OTUD7A: variants seen among roughly 807,000 people sequenced by gnomAD.
OTUD7A encodes the protein OTU domain-containing protein 7A.
A neutral mutation model predicts 65.7 loss-of-function variants in OTUD7A; 12 were observed. The observed-to-expected ratio is 0.18, with a 90% CI of 0.12 to 0.30. OTUD7A has a LOEUF of 0.30. OTUD7A is among the 10% of genes least tolerant of loss of function. The probability of loss-of-function intolerance (pLI) is 1.00; values close to 1 mark genes in which losing one functional copy is unlikely to be tolerated. For synonymous variants in OTUD7A, 641 were observed against 586.3 expected (o/e 1.09, Z -1.35); for missense variants, 1,148 against 1,304.8 (o/e 0.88, Z 1.85).
At chr15:31,800,362 A>T (rs1896087447) in intron 1 of OTUD7A, among the ~76,000 whole-genome samples, 1 of 152,106 alleles carries the variant, frequency 6.6e-6, no homozygotes. Context: ...AGCCAAGGAG[A>T]GGCCAGGCAC....
Position 31,483,441 on chromosome 15 carries a change from G to C in OTUD7A, c.2655C>G (p.Cys885Trp), listed in dbSNP as rs1402024732. The C allele has an allele frequency of 1.6e-5, 22 of 1,382,346 alleles. No homozygotes were observed. In the East Asian group the frequency reaches 7.4e-4, roughly 47 times the overall value. The allele number at this position is 1,382,346 out of a possible 1,614,324, so 85.6% of individuals were successfully genotyped here. Residue 885 changes from cysteine (C) to tryptophan (W), a missense_variant, in exon 13 of 13, where the codon TGC (cysteine) becomes TGG (tryptophan). By Grantham distance (215) the Cys-to-Trp change is radical (BLOSUM62 -2). Transcript: ENST00000307050. ...DAPTARSNGE[C>W]GRGGPGPVQR... ...GCACCGGCCCCGGGCCGCCACGGCC[G>C]CACTCACCGTTCGAGCGCGCGGTCG...
intron 1 of OTUD7A, among the ~76,000 whole-genome samples, chr15:31,657,450 G>A (rs925022693): frequency 1.3e-4 from 20 of 151,562 alleles, no homozygotes; most frequent in African/African-American, 3.9e-4. Context: ...TCCGCCTCCC[G>A]GGTTCATGCC....
intron 5 of OTUD7A, among the ~76,000 whole-genome samples, chr15:31,552,039 A>G (rs2141148002): frequency 6.6e-6 from 1 of 152,322 alleles, no homozygotes; most frequent in East Asian, 1.9e-4. Flanking sequence ...CATGAATGGC[A>G]GGGTGCCATC....
At chr15:31,774,293 G>C (rs917265432) in intron 1 of OTUD7A, among the ~76,000 whole-genome samples, 1 of 152,250 alleles carries the variant, frequency 6.6e-6, no homozygotes, top group African/African-American at 2.4e-5. Flanking sequence ...AGTCAGCCCA[G>C]GGACAGCTCC....
intron 3 of OTUD7A, among the ~76,000 whole-genome samples, chr15:31,602,585 T>C (rs1890111693): frequency 6.6e-6 from 1 of 152,094 alleles, no homozygotes; most frequent in South Asian, 2.1e-4. Context: ...TTCAACATAG[T>C]ATTGGAAGTT....
At chr15:31,496,096 A>C (rs908635744) in intron 10 of OTUD7A, among the ~76,000 whole-genome samples, 7 of 152,088 alleles carry the variant, frequency 4.6e-5, no homozygotes, top group Non-Finnish European at 8.8e-5. Flanking sequence ...CAAAAAAAAA[A>C]ACTTTCTTGC....
intron 3 of OTUD7A, among the ~76,000 whole-genome samples, chr15:31,588,295 A>C (rs1209730484): frequency 6.6e-6 from 1 of 152,212 alleles, no homozygotes; most frequent in Non-Finnish European, 1.5e-5. Flanking sequence ...GTCTGGCTCC[A>C]TTTATTTGAA....
At chr15:31,715,391 C>A (rs1416167776) in intron 1 of OTUD7A, among the ~76,000 whole-genome samples, 6 of 150,548 alleles carry the variant, frequency 4.0e-5, no homozygotes, top group Admixed American at 6.6e-5. Flanking sequence ...ACTGACTTCA[C>A]CTGGAAGAGC....
intron 1 of OTUD7A, among the ~76,000 whole-genome samples, chr15:31,798,267 G>C (rs1368377989): frequency 1.3e-5 from 2 of 152,190 alleles, no homozygotes; most frequent in African/African-American, 4.8e-5. Context: ...AATTCTGAGA[G>C]AGGGTGGCCC....
At chr15:31,812,844 C>T (rs7171718) in intron 1 of OTUD7A, among the ~76,000 whole-genome samples, 3,439 of 152,222 alleles carry the variant, frequency 0.023, 132 homozygotes, top group African/African-American at 0.079. Flanking sequence ...CTGAGTCTCC[C>T]CTTGGTCCTC....
At chr15:31,851,351 G>A (rs1171682138) in intron 1 of OTUD7A, among the ~76,000 whole-genome samples, 2 of 152,180 alleles carry the variant, frequency 1.3e-5, no homozygotes, top group African/African-American at 4.8e-5. Flanking sequence ...TGACTAATTG[G>A]AGATGGAAAG....
intron 3 of OTUD7A, among the ~76,000 whole-genome samples, chr15:31,641,847 G>A (rs1891526285): frequency 6.6e-6 from 1 of 152,086 alleles, no homozygotes; most frequent in African/African-American, 2.4e-5. Flanking sequence ...ATGTCATCAT[G>A]TCACCTGTGA....
chr15:31,567,821 T>C (rs1288889342), intron 4 of OTUD7A, among the ~76,000 whole-genome samples: 1 of 152,232 alleles, frequency 6.6e-6, no homozygotes, highest in African/African-American at 2.4e-5. Flanking sequence ...AGGTCCCAGA[T>C]ACAGTTCAGG....
At chr15:31,577,315 A>G (rs1889231314) in intron 3 of OTUD7A, among the ~76,000 whole-genome samples, 1 of 152,146 alleles carries the variant, frequency 6.6e-6, no homozygotes, top group African/African-American at 2.4e-5. Flanking sequence ...CTTCCTCTAC[A>G]AAACAAGAGC....
chr15:31,560,134 T>G (rs1321048047), intron 4 of OTUD7A, among the ~76,000 whole-genome samples: 1 of 152,248 alleles, frequency 6.6e-6, no homozygotes, highest in Non-Finnish European at 1.5e-5. Context: ...GAGACCGCTC[T>G]TTGTCTCGAT....
intron 1 of OTUD7A, among the ~76,000 whole-genome samples, chr15:31,866,566 G>A (rs1447735714): frequency 6.6e-6 from 1 of 152,094 alleles, no homozygotes; most frequent in Non-Finnish European, 1.5e-5. Flanking sequence ...TCTTATTCTT[G>A]GTCTCACACA....
intron 1 of OTUD7A, among the ~76,000 whole-genome samples, chr15:31,687,812 C>A (rs538300250): frequency 1.8e-4 from 28 of 152,290 alleles, no homozygotes; most frequent in African/African-American, 5.8e-4. Flanking sequence ...ATAATAACAA[C>A]CATCAAGGGA....
chr15:31,867,998 C>T (rs960471281), intron 1 of OTUD7A, among the ~76,000 whole-genome samples: 25 of 152,258 alleles, frequency 1.6e-4, no homozygotes, highest in Admixed American at 1.6e-3. Context: ...GGCTCTGACA[C>T]AGGCCCGCCA....
intron 1 of OTUD7A, among the ~76,000 whole-genome samples, chr15:31,834,700 T>C (rs8033730): frequency 0.036 from 5,486 of 152,310 alleles, 355 homozygotes; most frequent in African/African-American, 0.12. Flanking sequence ...ATGCTTATGA[T>C]GGTTGACAAC....
Sources: allele counts gnomAD v4.1 joint callset (sites outside exome capture counted in the v4.1 genomes callset), GRCh38; gene constraint gnomAD v4.1.1; transcripts MANE v1.5; gene names NCBI Gene and HGNC (gene_info 2026-07-23, HGNC 2026-07-21).